SMAD2: variants seen among roughly 807,000 people sequenced by gnomAD.
The protein encoded by SMAD2 is SMAD family member 2.
SMAD2 carries 8 observed loss-of-function variants against 64.4 expected under a neutral mutation model. The ratio of observed to expected loss-of-function variants is 0.12; its 90% confidence interval spans 0.07 to 0.22. The LOEUF (loss-of-function observed/expected upper bound fraction) is 0.22. SMAD2 is among the 10% of genes least tolerant of loss of function. The probability of loss-of-function intolerance (pLI) is 1.00; values close to 1 mark genes in which losing one functional copy is unlikely to be tolerated. For synonymous variants in SMAD2, 203 were observed against 195.8 expected, an observed-to-expected ratio of 1.04 and a Z score of -0.31; for missense variants, 289 against 561.2, an observed-to-expected ratio of 0.51 and a Z score of 4.90.
chr18:47,837,176 CATG>C lies in SMAD2; in HGVS notation c.*4648_*4650del, dbSNP rs1371996536. The C allele has an allele frequency of 5.0e-6, 1 of 201,466 alleles. No individual in the cohort carries two copies. The highest frequency in any genetic ancestry group is 1.0e-5 in the Non-Finnish European group (1 of 97,950). The allele number at this position is 201,466 out of a possible 1,614,324, so 12.5% of individuals were successfully genotyped here. A position where few individuals can be genotyped will look rare whatever the true frequency, so the allele number is the denominator to read the frequency against. ...ATTGATCAATTTGAATAGCAACCTTCATGATGAAGAAATTAGGACTCTAGGTAT... is the reference window on the plus strand; with the variant it reads ...ATTGATCAATTTGAATAGCAACCTTCATGAAGAAATTAGGACTCTAGGTAT... On this transcript the variant is annotated 3_prime_UTR_variant, in exon 11 of 11. Coordinates refer to ENST00000262160, the MANE Select transcript of SMAD2 (RefSeq NM_005901.6).
chr18:47,849,110 C>T (rs1914824109), intron 7 of SMAD2, among the ~76,000 whole-genome samples: 1 of 151,994 alleles, frequency 6.6e-6, no homozygotes, highest in Admixed American at 6.5e-5. Flanking sequence ...TCAAAAGCCA[C>T]ACAAAGAAAA....
intron 1 of SMAD2, among the ~76,000 whole-genome samples, chr18:47,916,006 C>T (rs1339173782): frequency 1.6e-4 from 24 of 152,132 alleles, no homozygotes; most frequent in Admixed American, 1.5e-3. Context: ...TATGCTTTCC[C>T]GTTGTCCATC....
chr18:47,817,882 A>G lies in SMAD2; in HGVS notation c.*23945T>C, dbSNP rs1912424704. 6.6e-6 allele frequency: 1 copy of G among 152,308 alleles called. No individual in the cohort carries two copies. Among genetic ancestry groups the G allele is most frequent in the South Asian group, 2.1e-4 (1 of 4,826 alleles). 9.4% of individuals were successfully genotyped at this position (152,308 alleles called of 1,614,324 possible). A position where few individuals can be genotyped will look rare whatever the true frequency, so the allele number is the denominator to read the frequency against. On this transcript the variant is annotated 3_prime_UTR_variant, in exon 11 of 11. Transcript: ENST00000262160. ...CACCAGTTAAAACACTGGTCCAAAC[A>G]CCTGACTTATCTGTCAGGATTTACA...
intron 8 of SMAD2, among the ~76,000 whole-genome samples, chr18:47,846,450 T>G (rs1914498102): frequency 6.6e-6 from 1 of 152,172 alleles, no homozygotes; most frequent in Non-Finnish European, 1.5e-5. Context: ...GCACATACAT[T>G]CTCTGTTAAT....
chr18:47,900,977 C>A (rs2033660397), intron 1 of SMAD2, among the ~76,000 whole-genome samples: 1 of 152,058 alleles, frequency 6.6e-6, no homozygotes, highest in Admixed American at 6.6e-5. Context: ...GTTCATGGCC[C>A]TAGCTTATGG....
intron 7 of SMAD2, among the ~76,000 whole-genome samples, chr18:47,850,053 G>A (rs948130801): frequency 7.4e-5 from 11 of 147,664 alleles, no homozygotes; most frequent in African/African-American, 1.3e-4. Flanking sequence ...TTTTACTGTC[G>A]TATTGTTATT....
chr18:47,831,773 ATT>A lies in SMAD2; in HGVS notation c.*10052_*10053del, dbSNP rs1913003960. 1 of 138,268 alleles carries A rather than the reference ATT, an allele frequency of 7.2e-6. No individual in the cohort carries two copies. Among genetic ancestry groups the A allele is most frequent in the South Asian group, 2.5e-4 (1 of 3,998 alleles). The allele number at this position is 138,268 out of a possible 1,614,324, so 8.6% of individuals were successfully genotyped here. ...TCTCACTATGGCAAAATAGCATGAC[ATT>A]TGTTTTACAAAATCAGTTAAACCAA... On this transcript the variant is annotated 3_prime_UTR_variant, in exon 11 of 11. Coordinates refer to ENST00000262160, the MANE Select transcript of SMAD2 (RefSeq NM_005901.6).
chr18:47,919,437 AAC>A (rs1054479386), intron 1 of SMAD2, among the ~76,000 whole-genome samples: 3 of 129,542 alleles, frequency 2.3e-5, no homozygotes, highest in South Asian at 2.8e-4. Flanking sequence ...CCAACTAGAC[AAC>A]AGAGTGTGAC....
intron 1 of SMAD2, among the ~76,000 whole-genome samples, chr18:47,906,571 T>C (rs538454432): frequency 2.1e-4 from 32 of 152,316 alleles, no homozygotes; most frequent in Admixed American, 6.5e-4. Context: ...CTACTAAATG[T>C]TGATGAAGAT....
At position 47,827,818 on chromosome 18, in the gene SMAD2, C is replaced by T. The variant is rs1274582185; in HGVS notation, c.*14009G>A. 5.2e-6 allele frequency: 1 copy of T among 191,602 alleles called. No individual in the cohort carries two copies. Among genetic ancestry groups the T allele is most frequent in the African/African-American group, 2.4e-5 (1 of 41,924 alleles). 11.9% of individuals were successfully genotyped at this position (191,602 alleles called of 1,614,324 possible). On this transcript the variant is annotated 3_prime_UTR_variant, in exon 11 of 11. Coordinates refer to ENST00000262160, the MANE Select transcript of SMAD2 (RefSeq NM_005901.6). ...CCAGGCTGGAGTGCAGTGGCACGATCTCGGCTCGCTACAACCTCCACCTCC... is the reference window on the plus strand; with the variant it reads ...CCAGGCTGGAGTGCAGTGGCACGATTTCGGCTCGCTACAACCTCCACCTCC...
chr18:47,891,908 GA>G (rs200789954), intron 2 of SMAD2, among the ~76,000 whole-genome samples: 33 of 150,108 alleles, frequency 2.2e-4, no homozygotes, highest in South Asian at 6.3e-4. Context: ...ATAAATACTA[GA>G]AAAAAAAATA....
intron 2 of SMAD2, among the ~76,000 whole-genome samples, chr18:47,881,759 C>T (rs1055312729): frequency 6.6e-6 from 1 of 152,184 alleles, no homozygotes; most frequent in African/African-American, 2.4e-5. Context: ...CTTTGTTTCT[C>T]ATTTGCTGGG....
chr18:47,856,667 G>T (rs1381799932), intron 6 of SMAD2, among the ~76,000 whole-genome samples: 1 of 151,994 alleles, frequency 6.6e-6, no homozygotes, highest in Non-Finnish European at 1.5e-5. Context: ...TAATAAACAA[G>T]AACAGGAACT....
At chr18:47,880,221 C>T (rs1598824034) in intron 2 of SMAD2, among the ~76,000 whole-genome samples, 1 of 152,178 alleles carries the variant, frequency 6.6e-6, no homozygotes, top group Non-Finnish European at 1.5e-5. Flanking sequence ...CTCTGTTTAC[C>T]CCCAAGTCAT....
intron 6 of SMAD2, among the ~76,000 whole-genome samples, chr18:47,861,867 AG>A (rs1479490103): frequency 6.6e-6 from 1 of 152,248 alleles, no homozygotes; most frequent in Non-Finnish European, 1.5e-5. Flanking sequence ...TAGAACACAT[AG>A]ATGCCTTATA....
chr18:47,892,794 A>G (rs2033259992), intron 2 of SMAD2, among the ~76,000 whole-genome samples: 1 of 152,224 alleles, frequency 6.6e-6, no homozygotes, highest in Non-Finnish European at 1.5e-5. Flanking sequence ...CCTTGGGATG[A>G]AAGATCAAAA....
Position 47,845,577 on chromosome 18 carries a change from C to G in SMAD2, c.1135+86G>C, listed in dbSNP as rs1227207513. 12 of 1,560,704 alleles carry G rather than the reference C, an allele frequency of 7.7e-6. No homozygotes were observed. In the East Asian group the frequency reaches 2.7e-4, roughly 35 times the overall value. Reference sequence around the variant, plus strand: ...TTACAAGTTTTAGAATATGAGCATGCAATCATCTACTGATTCCTAAAATTA... The same window carrying G: ...TTACAAGTTTTAGAATATGAGCATGGAATCATCTACTGATTCCTAAAATTA... On this transcript the variant is annotated intron_variant, in intron 9 of 10. Transcript: ENST00000262160.
Position 47,835,641 on chromosome 18 carries a change from G to A in SMAD2, c.*6186C>T, listed in dbSNP as rs762436842. 1 of 193,506 alleles carries A rather than the reference G, an allele frequency of 5.2e-6. No individual in the cohort carries two copies. Among genetic ancestry groups the A allele is most frequent in the Non-Finnish European group, 1.1e-5 (1 of 92,950 alleles). 12.0% of individuals were successfully genotyped at this position (193,506 alleles called of 1,614,324 possible). A position where few individuals can be genotyped will look rare whatever the true frequency, so the allele number is the denominator to read the frequency against. Reference sequence around the variant, plus strand: ...GAACTTAATATAGAACCAGAAATATGGCAAGTTACCTAGTGATTAACATTG... The same window carrying A: ...GAACTTAATATAGAACCAGAAATATAGCAAGTTACCTAGTGATTAACATTG... On this transcript the variant is annotated 3_prime_UTR_variant, in exon 11 of 11. Transcript: ENST00000262160.
At chr18:47,907,200 T>A (rs2144505033) in intron 1 of SMAD2, among the ~76,000 whole-genome samples, 1 of 152,288 alleles carries the variant, frequency 6.6e-6, no homozygotes, top group Admixed American at 6.5e-5. Context: ...AATAAATACG[T>A]ATGTCCACAA....
Sources: gnomAD v4.1 joint callset for allele counts (sites outside exome capture counted in the v4.1 genomes callset) on GRCh38, gnomAD v4.1.1 for gene constraint, MANE v1.5 for transcripts, NCBI Gene and HGNC (gene_info 2026-07-23, HGNC 2026-07-21) for gene names.